Variants in CUEDC1 observed in about 807,000 individuals in gnomAD.
CUEDC1 encodes the protein CUE domain containing 1, also known as CUE domain-containing protein 1.
A neutral mutation model predicts 43.7 loss-of-function variants in CUEDC1; 30 were observed. The ratio of observed to expected loss-of-function variants is 0.69; its 90% CI spans 0.51 to 0.93. The LOEUF (loss-of-function observed/expected upper bound fraction) is 0.93. CUEDC1 is among the 40% of genes least tolerant of loss of function. The pLI is 0.00. For synonymous variants in CUEDC1, 223 were observed against 223.6 expected (o/e 1.00, Z 0.02); for missense variants, 486 against 549.0 (o/e 0.89, Z 1.15).
At chr17:57,926,918 A>C (rs1003994652) in intron 1 of CUEDC1, among the ~76,000 whole-genome samples, 1 of 152,226 alleles carries the variant, frequency 6.6e-6, no homozygotes, top group Non-Finnish European at 1.5e-5. Context: ...GGAATGACTC[A>C]GACAGGGAAA....
intron 1 of CUEDC1, among the ~76,000 whole-genome samples, chr17:57,898,004 C>G (rs2074431701): frequency 6.6e-6 from 1 of 152,184 alleles, no homozygotes. Flanking sequence ...CAGTGCGAGA[C>G]TAGGTCTAAA....
intron 5 of CUEDC1, 103 bp downstream of exon 5, chr17:57,872,560 G>T: frequency 7.8e-7 from 1 of 1,287,948 alleles, no homozygotes. Context: ...GAAAGCACCT[G>T]GCCCCCTCAG....
chr17:57,897,527 G>T lies in CUEDC1; in HGVS notation c.-315-11648C>A, dbSNP rs772400808. On this transcript the variant is annotated intron_variant, in intron 1 of 10. Coordinates refer to ENST00000577830, the MANE Select transcript of CUEDC1 (RefSeq NM_001271875.2). ...CTACTAAAAATACAAAAAATTAGCCGGGTGTGGTGGCAGGCACCTGTAGTC... is the reference window on the plus strand; with the variant it reads ...CTACTAAAAATACAAAAAATTAGCCTGGTGTGGTGGCAGGCACCTGTAGTC... 3.3e-5 allele frequency among the ~76,000 whole-genome samples: 5 copies of T among 151,948 alleles called. No homozygotes were observed. In the East Asian group the frequency reaches 9.7e-4, roughly 29 times the overall value.
chr17:57,866,653 T>C (rs1038652223), intron 9 of CUEDC1, 109 bp from the exon 10 acceptor site: 5 of 1,066,512 alleles, frequency 4.7e-6, no homozygotes, highest in East Asian at 2.4e-5. Flanking sequence ...CCCCCTTCAT[T>C]TGGGACCCAT....
intron 1 of CUEDC1, among the ~76,000 whole-genome samples, chr17:57,947,538 CCT>C (rs1450424694): frequency 1.3e-5 from 2 of 152,162 alleles, no homozygotes; most frequent in Non-Finnish European, 2.9e-5. Context: ...GTGGCTCACA[CCT>C]GTAATCCCAG....
chr17:57,900,689 G>A (rs1215665516), intron 1 of CUEDC1, among the ~76,000 whole-genome samples: 1 of 152,210 alleles, frequency 6.6e-6, no homozygotes, highest in East Asian at 1.9e-4. Flanking sequence ...GTGTGACCTA[G>A]AGGTTGTCCA....
intron 8 of CUEDC1, chr17:57,867,748 A>G (rs995566863): frequency 2.1e-6 from 1 of 474,108 alleles, no homozygotes; most frequent in Non-Finnish European, 3.8e-6. Context: ...CCGTATTTCT[A>G]CTCGAGGAAG....
chr17:57,905,137 G>A (rs538015844), intron 1 of CUEDC1, among the ~76,000 whole-genome samples: 4 of 152,134 alleles, frequency 2.6e-5, no homozygotes, highest in African/African-American at 7.2e-5. Flanking sequence ...CTTCCTGAGC[G>A]AATGAGGGGG....
chr17:57,861,919 T>C lies in CUEDC1; in HGVS notation c.*1370A>G, dbSNP rs2073882338. On this transcript the variant is annotated 3_prime_UTR_variant, in exon 11 of 11. Coordinates refer to ENST00000577830, the MANE Select transcript of CUEDC1 (RefSeq NM_001271875.2). The stretch of plus-strand genomic sequence containing the variant: ...CCGGCCCCGCGCGCGTTTCCAAACT[T>C]GGTCACGCTCGGCGGCGGCTGCGCG... The C allele has an allele frequency of 6.6e-6, 1 of 150,774 alleles. No homozygotes were observed. Among genetic ancestry groups the C allele is most frequent in the African/African-American group, 2.4e-5 (1 of 41,102 alleles). The allele number at this position is 150,774 out of a possible 1,614,324, so 9.3% of individuals were successfully genotyped here.
intron 1 of CUEDC1, among the ~76,000 whole-genome samples, chr17:57,948,184 C>T (rs938408603): frequency 6.6e-6 from 1 of 152,236 alleles, no homozygotes; most frequent in African/African-American, 2.4e-5. Context: ...TAAAACTCTT[C>T]TAGGTGCATC....
intron 2 of CUEDC1, among the ~76,000 whole-genome samples, chr17:57,883,508 G>A (rs1442222707): frequency 1.3e-5 from 2 of 152,212 alleles, no homozygotes; most frequent in Non-Finnish European, 2.9e-5. Flanking sequence ...CAGATCACCT[G>A]AGGTCAGGAG....
chr17:57,886,686 G>T (rs1474799203), intron 1 of CUEDC1, among the ~76,000 whole-genome samples: 1 of 152,146 alleles, frequency 6.6e-6, no homozygotes, highest in Non-Finnish European at 1.5e-5. Context: ...ATGTCAGGCC[G>T]ACATGTTTTA....
At position 57,920,787 on chromosome 17, in the gene CUEDC1, C is replaced by T. The variant is rs117411803; in HGVS notation, c.-316+34438G>A. On this transcript the variant is annotated intron_variant, in intron 1 of 10. Coordinates refer to ENST00000577830, the MANE Select transcript of CUEDC1 (RefSeq NM_001271875.2). Reference sequence around the variant, plus strand: ...AGCTGGGACTATAGGCTCCCACCACCACCATGCCGAGTAAATTTTTGTATT... The same window carrying T: ...AGCTGGGACTATAGGCTCCCACCACTACCATGCCGAGTAAATTTTTGTATT... Among the ~76,000 whole-genome samples the T allele has an allele frequency of 7.2e-3, 1,093 of 152,048 alleles. 3 individuals carry two copies. Among genetic ancestry groups the T allele is most frequent in the Non-Finnish European group, 0.012 (796 of 68,002 alleles).
At position 57,885,598 on chromosome 17, in the gene CUEDC1, C is replaced by T. The variant is rs575798523; in HGVS notation, c.-34G>A. On this transcript the variant is annotated 5_prime_UTR_variant, in exon 2 of 11. Transcript: ENST00000577830. ...GCCGCTTGGGGAAAATGTTTCTAGC[C>T]GGCCGCAAAGCCCCTTCCCCAGGGT... 12 of 1,344,672 alleles carry T rather than the reference C, an allele frequency of 8.9e-6. No individual in the cohort carries two copies. The South Asian group carries it at 1.7e-4, about 19-fold the overall frequency. The allele number at this position is 1,344,672 out of a possible 1,614,324, so 83.3% of individuals were successfully genotyped here. A position where few individuals can be genotyped will look rare whatever the true frequency, so the allele number is the denominator to read the frequency against.
chr17:57,885,029 C>T (rs1394817572), intron 2 of CUEDC1, among the ~76,000 whole-genome samples, 200 bp downstream of exon 2: 2 of 152,232 alleles, frequency 1.3e-5, no homozygotes, highest in African/African-American at 4.8e-5. Context: ...ATGATTTCTG[C>T]CCATAAAATA....
chr17:57,934,008 G>T (rs761989420), intron 1 of CUEDC1, among the ~76,000 whole-genome samples: 2 of 152,164 alleles, frequency 1.3e-5, no homozygotes, highest in Admixed American at 6.5e-5. Flanking sequence ...TGTCAAGAAA[G>T]AATATTTAAA....
chr17:57,877,898 A>T (rs1161842536), intron 3 of CUEDC1, among the ~76,000 whole-genome samples: 1 of 151,608 alleles, frequency 6.6e-6, no homozygotes, highest in Non-Finnish European at 1.5e-5. Context: ...AAAAAAAAAA[A>T]AAAAAGTCAA....
At chr17:57,918,853 T>C (rs2074671279) in intron 1 of CUEDC1, among the ~76,000 whole-genome samples, 1 of 150,940 alleles carries the variant, frequency 6.6e-6, no homozygotes, top group Non-Finnish European at 1.5e-5. Context: ...TCAATTTTTA[T>C]TTTTATTTTT....
intron 1 of CUEDC1, among the ~76,000 whole-genome samples, chr17:57,904,697 AC>A (rs2074509528): frequency 1.3e-5 from 2 of 151,358 alleles, no homozygotes; most frequent in African/African-American, 4.9e-5. Context: ...GAGAAATGGG[AC>A]CCCTGTCCTT....
Sources: gnomAD v4.1 joint callset for allele counts (sites outside exome capture counted in the v4.1 genomes callset) on GRCh38, gnomAD v4.1.1 for gene constraint, MANE v1.5 for transcripts, NCBI Gene and HGNC (gene_info 2026-07-23, HGNC 2026-07-21) for gene names.